The following ARHGAP22 variants were observed in gnomAD, a reference collection of about 807,000 sequenced individuals.
The protein encoded by ARHGAP22 is Rho GTPase activating protein 22.
ARHGAP22 carries 48 observed loss-of-function variants against 59.1 expected under a neutral mutation model. The ratio of observed to expected loss-of-function variants is 0.81; its 90% CI spans 0.64 to 1.03. The LOEUF is 1.03. Ranked by LOEUF, ARHGAP22 falls within the 50% of genes least tolerant of loss-of-function variation. The pLI, the probability that ARHGAP22 is intolerant of heterozygous loss-of-function variation, is 0.00. For synonymous variants in ARHGAP22, 445 were observed against 416.4 expected, an observed-to-expected ratio of 1.07 and a Z score of -0.84; for missense variants, 1,015 against 958.7, an observed-to-expected ratio of 1.06 and a Z score of -0.78.
intron 3 of ARHGAP22, among the ~76,000 whole-genome samples, chr10:48,501,185 G>A (rs2051484499): frequency 6.6e-6 from 1 of 152,240 alleles, no homozygotes; most frequent in Admixed American, 6.5e-5. Flanking sequence ...GTTTGAATAT[G>A]TACAAAGTAT....
At chr10:48,482,459 A>T (rs2049419548) in intron 3 of ARHGAP22, among the ~76,000 whole-genome samples, 1 of 152,162 alleles carries the variant, frequency 6.6e-6, no homozygotes, top group Non-Finnish European at 1.5e-5. Context: ...TTCTTCTTCT[A>T]ATGACACTGA....
chr10:48,551,717 A>G (rs964641793), intron 3 of ARHGAP22, among the ~76,000 whole-genome samples: 2 of 152,228 alleles, frequency 1.3e-5, no homozygotes, highest in African/African-American at 4.8e-5. Context: ...CACTGGCACT[A>G]AAGCCCCCTT....
intron 2 of ARHGAP22, among the ~76,000 whole-genome samples, chr10:48,566,383 G>A (rs1370447575): frequency 6.6e-6 from 1 of 152,198 alleles, no homozygotes; most frequent in Non-Finnish European, 1.5e-5. Context: ...AAGGAGGGAA[G>A]CATCCTCCTT....
chr10:48,616,155 T>C (rs1372985705), intron 1 of ARHGAP22, among the ~76,000 whole-genome samples: 2 of 152,222 alleles, frequency 1.3e-5, no homozygotes, highest in East Asian at 3.8e-4. Context: ...TATTTTCCAG[T>C]AGTATGTGCT....
In ARHGAP22 at chr10:48,450,277, C is replaced by G. The variant is rs373675879; in HGVS notation, c.1852G>C (p.Glu618Gln). ...AELCRQRTEY[E>Q]RSVKRIEEGS... Reference sequence around the variant, plus strand: ...GCAAGTTACCTTTTCACACTCCTCTCGTACTCAGTCCGCTGGCGGCACAGC... The same window carrying G: ...GCAAGTTACCTTTTCACACTCCTCTGGTACTCAGTCCGCTGGCGGCACAGC... The change falls in exon 9 of 10, where the codon GAG becomes CAG. Residue 618 changes from glutamate to glutamine, a missense_variant. Transcript: ENST00000249601. 6.8e-6 allele frequency: 11 copies of G among 1,609,712 alleles called. No homozygotes were observed. Among genetic ancestry groups the G allele is most frequent in the Middle Eastern group, 1.6e-4 (1 of 6,070 alleles).
intron 5 of ARHGAP22, 26 bp from the exon 6 acceptor site, chr10:48,455,160 G>A (rs1182245090): frequency 6.3e-7 from 1 of 1,584,366 alleles, no homozygotes; most frequent in Admixed American, 1.7e-5. Context: ...GGACAGGTGT[G>A]TGAGGCCTGG....
the ARHGAP22 span, chr10:48,430,549 A>C: frequency 6.6e-6 from 1 of 152,588 alleles, no homozygotes; most frequent in Admixed American, 6.5e-5. Flanking sequence ...CAGTTGGAAC[A>C]GTTGTTGCAG....
intron 2 of ARHGAP22, among the ~76,000 whole-genome samples, chr10:48,558,425 C>T (rs564032927): frequency 3.3e-5 from 5 of 151,438 alleles, no homozygotes; most frequent in South Asian, 2.1e-4. Context: ...AGCAGTGTTG[C>T]GATCATGGCT....
At chr10:48,486,446 T>C (rs2049868535) in intron 3 of ARHGAP22, among the ~76,000 whole-genome samples, 1 of 152,066 alleles carries the variant, frequency 6.6e-6, no homozygotes, top group Non-Finnish European at 1.5e-5. Flanking sequence ...GTTCAAGCAA[T>C]TCTCCCGTCT....
intron 1 of ARHGAP22, among the ~76,000 whole-genome samples, chr10:48,644,552 A>T (rs2062209197): frequency 6.6e-6 from 1 of 152,226 alleles, no homozygotes; most frequent in Non-Finnish European, 1.5e-5. Flanking sequence ...GTCCTGATCA[A>T]TTAAAAAATC....
chr10:48,579,983 C>CT (rs1331143384), intron 2 of ARHGAP22, among the ~76,000 whole-genome samples: 1 of 152,162 alleles, frequency 6.6e-6, no homozygotes, highest in African/African-American at 2.4e-5. Flanking sequence ...GATTGGGAAC[C>CT]TGGGCAGTGG....
At chr10:48,597,171 T>C (rs11101394) in intron 1 of ARHGAP22, among the ~76,000 whole-genome samples, 125,555 of 152,012 alleles carry the variant, frequency 0.83, 56,018 homozygotes, top group Non-Finnish European at 0.99. Flanking sequence ...CATAAACATG[T>C]GTCTCATGTC....
intron 8 of ARHGAP22, chr10:48,451,635 C>G: frequency 4.4e-6 from 3 of 682,174 alleles, no homozygotes; most frequent in Non-Finnish European, 8.0e-6. Context: ...CATACAATTG[C>G]ACACACAATG....
At chr10:48,532,143 C>G (rs575191446) in intron 3 of ARHGAP22, among the ~76,000 whole-genome samples, 3 of 152,188 alleles carry the variant, frequency 2.0e-5, no homozygotes, top group Non-Finnish European at 2.9e-5. Flanking sequence ...CAGATCCAAT[C>G]TACAGGTGAG....
chr10:48,447,586 C>T (rs1207482450), intron 9 of ARHGAP22, among the ~76,000 whole-genome samples: 1 of 152,208 alleles, frequency 6.6e-6, no homozygotes, highest in Non-Finnish European at 1.5e-5. Context: ...CTACCAGGAT[C>T]ACAGACAGCT....
chr10:48,519,568 T>C (rs2053614218), intron 3 of ARHGAP22, among the ~76,000 whole-genome samples: 1 of 152,228 alleles, frequency 6.6e-6, no homozygotes. Context: ...TGTTCACAAG[T>C]ACAGATTCTG....
intron 3 of ARHGAP22, chr10:48,524,064 C>A: frequency 2.7e-6 from 4 of 1,477,294 alleles, no homozygotes; most frequent in Non-Finnish European, 3.6e-6. Flanking sequence ...TTTGGGCGCT[C>A]GCAGGTGTCC....
intron 1 of ARHGAP22, among the ~76,000 whole-genome samples, chr10:48,649,885 T>C (rs1012290734): frequency 6.6e-6 from 1 of 152,052 alleles, no homozygotes; most frequent in Non-Finnish European, 1.5e-5. Context: ...AGCAGTACAA[T>C]TGAACGCATA....
At chr10:48,486,075 C>T (rs2049831410) in intron 3 of ARHGAP22, among the ~76,000 whole-genome samples, 2 of 151,928 alleles carry the variant, frequency 1.3e-5, no homozygotes, top group African/African-American at 4.8e-5. Flanking sequence ...TTCATTCTAT[C>T]TGCTTTGTTG....
Sources: allele counts gnomAD v4.1 joint callset (sites outside exome capture counted in the v4.1 genomes callset), GRCh38; gene constraint gnomAD v4.1.1; transcripts MANE v1.5; gene names NCBI Gene and HGNC (gene_info 2026-07-23, HGNC 2026-07-21).